KIF1B: variants seen among roughly 807,000 people sequenced by gnomAD.
KIF1B encodes kinesin family member 1B.
KIF1B carries 76 observed loss-of-function variants against 241.9 expected under a neutral mutation model. The observed-to-expected ratio is 0.31, with a 90% CI of 0.26 to 0.38. KIF1B has a LOEUF of 0.38. Ranked by LOEUF, KIF1B falls within the 10% of genes least tolerant of loss-of-function variation. The pLI is 1.00. For missense variants in KIF1B, 1,622 were observed against 2,271.4 expected (o/e 0.71, Z 5.81); for synonymous variants, 750 against 796.7 (o/e 0.94, Z 0.99).
At chr1:10,211,666 C>T (rs1046431997) in intron 1 of KIF1B, 3 of 151,838 alleles carry the variant, frequency 2.0e-5, no homozygotes, top group East Asian at 1.9e-4. Flanking sequence ...AAAACATTCC[C>T]GCCCCTAACG....
At chr1:10,298,395 C>G (rs1280780414) in intron 22 of KIF1B, among the ~76,000 whole-genome samples, 1 of 152,180 alleles carries the variant, frequency 6.6e-6, no homozygotes, top group Non-Finnish European at 1.5e-5. Context: ...CCTCAGTTCT[C>G]AGGCATGGGC....
intron 26 of KIF1B, among the ~76,000 whole-genome samples, chr1:10,325,687 T>A (rs974646147): frequency 6.6e-6 from 1 of 152,222 alleles, no homozygotes; most frequent in Non-Finnish European, 1.5e-5. Flanking sequence ...TGCTTTGCCA[T>A]ATGCCATTTC....
chr1:10,291,932 G>T, intron 16 of KIF1B, 115 bp from the exon 17 acceptor site: 1 of 809,456 alleles, frequency 1.2e-6, no homozygotes, highest in Non-Finnish European at 2.2e-6. Context: ...TTGCATTATT[G>T]GCTATAAACA....
At chr1:10,250,419 A>G (rs1647373727) in intron 2 of KIF1B, among the ~76,000 whole-genome samples, 1 of 151,690 alleles carries the variant, frequency 6.6e-6, no homozygotes, top group South Asian at 2.1e-4. Flanking sequence ...GGTCATTGCA[A>G]CCTCTGCCTT....
chr1:10,219,577 A>G (rs1259535573), intron 1 of KIF1B, among the ~76,000 whole-genome samples: 4 of 150,270 alleles, frequency 2.7e-5, no homozygotes, highest in Admixed American at 6.6e-5. Flanking sequence ...ACCAACATGG[A>G]GAACCCCATC....
chr1:10,267,676 C>A, intron 6 of KIF1B, 118 bp downstream of exon 6: 1 of 887,938 alleles, frequency 1.1e-6, no homozygotes, highest in Non-Finnish European at 1.8e-6. Flanking sequence ...TTGTGGAGTC[C>A]TCTGATCCTT....
intron 27 of KIF1B, among the ~76,000 whole-genome samples, chr1:10,328,514 A>T (rs1263433948): frequency 5.3e-5 from 8 of 152,244 alleles, no homozygotes; most frequent in Non-Finnish European, 1.2e-4. Flanking sequence ...TTTTTATTAA[A>T]ATTGAGAAAG....
At chr1:10,283,052 A>G (rs948397763) in intron 15 of KIF1B, among the ~76,000 whole-genome samples, 2 of 151,762 alleles carry the variant, frequency 1.3e-5, no homozygotes, top group Non-Finnish European at 2.9e-5. Flanking sequence ...CTAAAAATAC[A>G]AAAAATTAGC....
chr1:10,378,378 G>A lies in KIF1B; in HGVS notation c.*1791G>A, dbSNP rs895140775. Reference sequence around the variant, plus strand: ...CTTCCGAGATCATCAGAGAAGATAAGTCTGTCTCTTTCAGCTGCCAGTAAG... The same window carrying A: ...CTTCCGAGATCATCAGAGAAGATAAATCTGTCTCTTTCAGCTGCCAGTAAG... On this transcript the variant is annotated 3_prime_UTR_variant, in exon 49 of 49. Coordinates refer to ENST00000676179, the MANE Select transcript of KIF1B (RefSeq NM_001365951.3). 1.4e-6 allele frequency: 1 copy of A among 717,998 alleles called. No individual in the cohort carries two copies. The highest frequency in any genetic ancestry group is 2.0e-5 in the Admixed American group (1 of 50,022). 44.5% of individuals were successfully genotyped at this position (717,998 alleles called of 1,614,324 possible).
intron 41 of KIF1B, 76 bp downstream of exon 41, chr1:10,363,420 G>C: frequency 8.1e-7 from 1 of 1,237,896 alleles, no homozygotes; most frequent in East Asian, 2.3e-5. Flanking sequence ...GGCTGGGCAC[G>C]GTGGCACACA....
At chr1:10,313,676 G>A (rs555908087) in intron 22 of KIF1B, among the ~76,000 whole-genome samples, 2 of 145,772 alleles carry the variant, frequency 1.4e-5, no homozygotes, top group Non-Finnish European at 3.0e-5. Flanking sequence ...TCAGGCTCCC[G>A]AGTAGCTGGG....
At chr1:10,306,088 C>T in intron 22 of KIF1B, 1 of 1,042,280 alleles carries the variant, frequency 9.6e-7, no homozygotes, top group Non-Finnish European at 1.2e-6. Flanking sequence ...TATTTTTAAT[C>T]ATAGTATTTT....
Position 10,303,850 on chromosome 1 carries a change from A to C in KIF1B, c.2115+6604A>C. 6.2e-7 allele frequency: 1 copy of C among 1,614,216 alleles called. No homozygotes were observed. Among genetic ancestry groups the C allele is most frequent in the Non-Finnish European group, 8.5e-7 (1 of 1,180,038 alleles). ...TGGTGTTAGTAGCACCTCTGAGAAT[A>C]ATGTAAGTAAAGGAGACAATGGAGA... On this transcript the variant is annotated intron_variant, in intron 22 of 48. Transcript: ENST00000676179. This position sits in a 1 kb window ranked among gnomAD's most constrained non-coding sequence, Gnocchi z 5.2.
chr1:10,278,889 A>G (rs1284785248), intron 13 of KIF1B: 1 of 486,716 alleles, frequency 2.1e-6, no homozygotes, highest in Non-Finnish European at 3.7e-6. Flanking sequence ...TGAAGTTCTA[A>G]TAAGATTTTC....
chr1:10,219,416 T>G (rs902529764), intron 1 of KIF1B, among the ~76,000 whole-genome samples: 1 of 151,194 alleles, frequency 6.6e-6, no homozygotes, highest in African/African-American at 2.4e-5. Context: ...GCCGAGATCA[T>G]GCCATTGCAC....
At chr1:10,301,304 G>T (rs1289799800) in intron 22 of KIF1B, among the ~76,000 whole-genome samples, 2 of 152,108 alleles carry the variant, frequency 1.3e-5, no homozygotes, top group Non-Finnish European at 2.9e-5. Flanking sequence ...TCATTTACTA[G>T]ACTGCCCTGA....
At chr1:10,304,881 C>T (rs1650751392) in intron 22 of KIF1B, 3 of 1,378,346 alleles carry the variant, frequency 2.2e-6, no homozygotes, top group Non-Finnish European at 2.8e-6. Flanking sequence ...ACTCCTTTTT[C>T]TGAAACGTTC....
intron 2 of KIF1B, among the ~76,000 whole-genome samples, chr1:10,245,466 CCTT>C (rs1447987588): frequency 6.6e-6 from 1 of 152,104 alleles, no homozygotes; most frequent in East Asian, 1.9e-4. Context: ...AGTGTCCTGC[CCTT>C]CTCCAGCTCT....
chr1:10,268,038 A>G (rs1029439507), intron 6 of KIF1B, 114 bp from the exon 7 acceptor site: 18 of 759,456 alleles, frequency 2.4e-5, no homozygotes, highest in Non-Finnish European at 3.5e-5. Context: ...CAATCTGTGA[A>G]TAAGTTTAAG....
Sources: gnomAD v4.1 joint callset for allele counts (sites outside exome capture counted in the v4.1 genomes callset) on GRCh38, gnomAD v4.1.1 for gene constraint, Gnocchi (gnomAD v3.1) non-coding constraint, MANE v1.5 for transcripts, NCBI Gene and HGNC (gene_info 2026-07-23, HGNC 2026-07-21) for gene names.